Variants in CCDC141 observed in about 807,000 individuals in gnomAD.
CCDC141 encodes coiled-coil domain containing 141.
In CCDC141, 168 loss-of-function variants were observed where a neutral mutation model predicts 181.0. The ratio of observed to expected loss-of-function variants is 0.93; its 90% CI spans 0.82 to 1.05. CCDC141 has a LOEUF of 1.05. Ranked by LOEUF, CCDC141 falls within the 50% of genes least tolerant of loss-of-function variation. The pLI is 0.00. For missense variants in CCDC141, 1,902 were observed against 1,788.5 expected, an observed-to-expected ratio of 1.06 and a Z score of -1.14; for synonymous variants, 666 against 642.3, an observed-to-expected ratio of 1.04 and a Z score of -0.56.
intron 5 of CCDC141, among the ~76,000 whole-genome samples, chr2:178,948,059 G>A (rs925692347): frequency 6.6e-6 from 1 of 152,038 alleles, no homozygotes; most frequent in Non-Finnish European, 1.5e-5. Flanking sequence ...AATTAGCGGG[G>A]TGTGGTAGCA....
At chr2:178,981,591 C>T (rs1198593943) in intron 2 of CCDC141, among the ~76,000 whole-genome samples, 1 of 139,658 alleles carries the variant, frequency 7.2e-6, no homozygotes, top group Admixed American at 7.8e-5. Flanking sequence ...GATGCCACAA[C>T]AGCAGTGCTT....
At chr2:178,848,954 T>C (rs1273954681) in intron 21 of CCDC141, among the ~76,000 whole-genome samples, 1 of 152,066 alleles carries the variant, frequency 6.6e-6, no homozygotes, top group Non-Finnish European at 1.5e-5. Flanking sequence ...GTGTGGGTAA[T>C]AATACAAAAG....
At chr2:178,981,773 A>C (rs1691425573) in intron 2 of CCDC141, among the ~76,000 whole-genome samples, 1 of 149,342 alleles carries the variant, frequency 6.7e-6, no homozygotes, top group Non-Finnish European at 1.5e-5. Context: ...TTAAATCTTA[A>C]GTAAACAGAA....
chr2:178,983,300 C>T (rs1183426240), intron 2 of CCDC141, among the ~76,000 whole-genome samples: 1 of 152,134 alleles, frequency 6.6e-6, no homozygotes, highest in African/African-American at 2.4e-5. Context: ...ACATCCACAC[C>T]AAAAACCCAT....
intron 6 of CCDC141, among the ~76,000 whole-genome samples, chr2:178,922,031 G>A (rs1688713316): frequency 6.6e-6 from 1 of 152,180 alleles, no homozygotes; most frequent in Non-Finnish European, 1.5e-5. Context: ...TGGAGAAGCT[G>A]GGGAGGGCCT....
At chr2:178,979,046 GAAAC>G (rs1691249667) in intron 2 of CCDC141, among the ~76,000 whole-genome samples, 1 of 152,150 alleles carries the variant, frequency 6.6e-6, no homozygotes. Flanking sequence ...AAGGTTGTGA[GAAAC>G]AAGCCCAGTA....
intron 8 of CCDC141, among the ~76,000 whole-genome samples, chr2:178,893,201 A>T (rs1415433032): frequency 1.4e-5 from 2 of 147,094 alleles, no homozygotes; most frequent in Non-Finnish European, 3.0e-5. Flanking sequence ...AGGGAAGTGG[A>T]GGGGGAAGAA....
intron 2 of CCDC141, among the ~76,000 whole-genome samples, chr2:179,041,961 T>C (rs980513291): frequency 2.0e-5 from 3 of 152,154 alleles, no homozygotes; most frequent in Non-Finnish European, 4.4e-5. Context: ...CACACAATAG[T>C]CGTGGGAGAC....
chr2:178,928,218 A>G (rs1688979499), intron 6 of CCDC141, among the ~76,000 whole-genome samples: 1 of 152,186 alleles, frequency 6.6e-6, no homozygotes, highest in Admixed American at 6.5e-5. Flanking sequence ...GGAGGTTGTG[A>G]TGAGTGCAGT....
intron 2 of CCDC141, among the ~76,000 whole-genome samples, chr2:179,004,856 C>T (rs762646191): frequency 6.6e-6 from 1 of 152,072 alleles, no homozygotes. Context: ...TCGGCCCCAC[C>T]TAGTAGCTGG....
At chr2:178,931,231 A>G (rs1689084873) in intron 6 of CCDC141, among the ~76,000 whole-genome samples, 1 of 152,202 alleles carries the variant, frequency 6.6e-6, no homozygotes, top group Admixed American at 6.5e-5. Flanking sequence ...TAGAAATATA[A>G]AACAGAGCAG....
chr2:178,884,721 T>C (rs1056093840), intron 11 of CCDC141, among the ~76,000 whole-genome samples, 180 bp downstream of exon 11: 2 of 152,186 alleles, frequency 1.3e-5, no homozygotes, highest in Non-Finnish European at 2.9e-5. Flanking sequence ...TAAACCTTTA[T>C]AGATTGAGAA....
rs151206175 is a variant in CCDC141, at chr2:178,939,292, A to G, written c.897+5243T>C. ...TTTTGCACTGGGCCTCACAAATTAT[A>G]TAGCTGGTTCTTTCTGTAAAGTGAA... On this transcript the variant is annotated intron_variant, in intron 6 of 23. Coordinates refer to ENST00000443758, the MANE Select transcript of CCDC141 (RefSeq NM_173648.4). Among the ~76,000 whole-genome samples, 270 of 152,276 alleles carry G rather than the reference A, an allele frequency of 1.8e-3. 5 individuals are homozygous for G. The South Asian group carries it at 0.023, about 13-fold the overall frequency.
chr2:178,883,717 G>A (rs913319999), intron 11 of CCDC141, among the ~76,000 whole-genome samples: 8 of 152,102 alleles, frequency 5.3e-5, no homozygotes, highest in African/African-American at 1.9e-4. Context: ...GCCTGAAGAG[G>A]AGTGTGATCT....
intron 2 of CCDC141, among the ~76,000 whole-genome samples, chr2:179,032,668 C>G (rs1159426129): frequency 6.6e-6 from 1 of 152,088 alleles, no homozygotes; most frequent in African/African-American, 2.4e-5. Context: ...CTTCATCATC[C>G]TTGTCATACA....
chr2:178,972,489 A>G (rs1370196655), intron 4 of CCDC141, among the ~76,000 whole-genome samples: 1 of 152,208 alleles, frequency 6.6e-6, no homozygotes, highest in Non-Finnish European at 1.5e-5. Flanking sequence ...CAGGAAGTAT[A>G]GAGGGAGTCA....
intron 5 of CCDC141, among the ~76,000 whole-genome samples, chr2:178,958,025 AAATG>A (rs2154378622): frequency 6.6e-6 from 1 of 152,362 alleles, no homozygotes; most frequent in Non-Finnish European, 1.5e-5. Context: ...GCATATTACT[AAATG>A]AAAAACGCCA....
intron 11 of CCDC141, among the ~76,000 whole-genome samples, chr2:178,884,607 C>T (rs936455190): frequency 6.6e-6 from 1 of 152,150 alleles, no homozygotes; most frequent in Non-Finnish European, 1.5e-5. Flanking sequence ...TGCCCTTTCT[C>T]CTTTAAATAC....
intron 7 of CCDC141, among the ~76,000 whole-genome samples, chr2:178,911,270 T>C (rs988818272): frequency 2.0e-5 from 3 of 152,234 alleles, no homozygotes; most frequent in African/African-American, 7.2e-5. Context: ...TAGTGAGTGC[T>C]TAGCAGTTCT....
Sources: allele counts gnomAD v4.1 joint callset (sites outside exome capture counted in the v4.1 genomes callset), GRCh38; gene constraint gnomAD v4.1.1; transcripts MANE v1.5; gene names NCBI Gene and HGNC (gene_info 2026-07-23, HGNC 2026-07-21).